The following SH2D1A variants were observed in gnomAD, a reference collection of about 807,000 sequenced individuals.
SH2D1A encodes the protein SH2 domain-containing protein 1A.
SH2D1A carries 6 observed loss-of-function variants against 10.1 expected under a neutral mutation model. The ratio of observed to expected loss-of-function variants is 0.60; its 90% CI spans 0.33 to 1.18. SH2D1A has a LOEUF of 1.18. Ranked by LOEUF, SH2D1A falls within the 50% of genes most tolerant of loss-of-function variation. SH2D1A has a pLI of 0.04. For missense variants in SH2D1A, 51 were observed against 97.6 expected (o/e 0.52, Z 2.01); for synonymous variants, 42 against 36.9 (o/e 1.14, Z -0.51).
chrX:124,356,931 T>G (rs2060027919), intron 1 of SH2D1A, among the ~76,000 whole-genome samples: 1 of 112,499 alleles, frequency 8.9e-6, no homozygotes, highest in Non-Finnish European at 1.9e-5. Context: ...ACATGTGTAA[T>G]AGCTAAATTG....
intron 2 of SH2D1A, among the ~76,000 whole-genome samples, chrX:124,369,143 GTCT>G (rs934301133): frequency 5.4e-5 from 6 of 111,044 alleles, no homozygotes; most frequent in African/African-American, 2.0e-4. Flanking sequence ...GCTGACAGAA[GTCT>G]TCATGCTCGC....
Position 124,371,600 on chromosome X carries a change from T to A in SH2D1A, c.*209T>A, listed in dbSNP as rs753291596. ...GAAACGAGGATTGGGAAAAAGTAAT[T>A]CCGTAGGTTATTTTCAGTTATTATA... On this transcript the variant is annotated 3_prime_UTR_variant, in exon 4 of 4. Transcript: ENST00000371139. 1.8e-5 allele frequency: 5 copies of A among 274,988 alleles called. No individual in the cohort carries two copies. The South Asian group carries it at 1.1e-3, about 60-fold the overall frequency. The allele number at this position is 274,988 out of a possible 1,213,427, so 22.7% of individuals were successfully genotyped here.
intron 2 of SH2D1A, 141 bp downstream of exon 2, chrX:124,365,965 G>A: frequency 6.5e-6 from 3 of 461,249 alleles, no homozygotes; most frequent in Non-Finnish European, 3.9e-6. Flanking sequence ...AATTGTTCAT[G>A]GATCATTAAG....
At chrX:124,351,030 A>C (rs1251575303) in intron 1 of SH2D1A, among the ~76,000 whole-genome samples, 9 of 89,086 alleles carry the variant, frequency 1.0e-4, no homozygotes, top group Non-Finnish European at 1.9e-4. Flanking sequence ...ATTATTATAA[A>C]TATATATATT....
intron 1 of SH2D1A, among the ~76,000 whole-genome samples, chrX:124,349,492 C>T (rs1480880072): frequency 1.8e-5 from 2 of 111,669 alleles, no homozygotes; most frequent in Non-Finnish European, 3.8e-5. Flanking sequence ...ACATGGACAA[C>T]AAGGTATAGC....
chrX:124,357,484 T>G (rs1243067084), intron 1 of SH2D1A, among the ~76,000 whole-genome samples: 3 of 112,241 alleles, frequency 2.7e-5, no homozygotes, highest in Non-Finnish European at 5.6e-5. Flanking sequence ...ACATGATGAT[T>G]TCATTTCCTT....
At chrX:124,359,576 A>AATC (rs1287947737) in intron 1 of SH2D1A, among the ~76,000 whole-genome samples, 1 of 112,017 alleles carries the variant, frequency 8.9e-6, no homozygotes, top group African/African-American at 3.3e-5. Flanking sequence ...GAAAAATGGA[A>AATC]ATCAAAGCTC....
In SH2D1A at chrX:124,372,262, T is replaced by C; in HGVS notation, c.*871T>C. ...ATGGTTGTATTATTTTTTAAAAAAA[T>C]TCCAAGTGATTGAAACCTACACGAG... On this transcript the variant is annotated 3_prime_UTR_variant, in exon 4 of 4. Transcript: ENST00000371139. 1 of 166,887 alleles carries C rather than the reference T, an allele frequency of 6.0e-6. No individual in the cohort carries two copies. The highest frequency in any genetic ancestry group is 1.2e-5 in the Non-Finnish European group (1 of 86,277). 13.8% of individuals were successfully genotyped at this position (166,887 alleles called of 1,213,427 possible).
intron 1 of SH2D1A, among the ~76,000 whole-genome samples, chrX:124,365,180 A>G (rs1055681671): frequency 3.6e-5 from 4 of 110,668 alleles, no homozygotes; most frequent in African/African-American, 1.3e-4. Flanking sequence ...CTCATAATGT[A>G]TCCCCCTTGG....
chrX:124,360,416 A>G (rs2060037164), intron 1 of SH2D1A, among the ~76,000 whole-genome samples: 1 of 93,379 alleles, frequency 1.1e-5, no homozygotes, highest in African/African-American at 4.0e-5. Flanking sequence ...GTCGTGGTCA[A>G]CAGAGCAAGA....
intron 1 of SH2D1A, among the ~76,000 whole-genome samples, chrX:124,355,405 T>C (rs1450851616): frequency 1.8e-5 from 2 of 112,162 alleles, no homozygotes; most frequent in Admixed American, 9.5e-5. Flanking sequence ...AACACATGCT[T>C]TATAGTAATT....
At chrX:124,350,885 T>G (rs2060011917) in intron 1 of SH2D1A, among the ~76,000 whole-genome samples, 1 of 61,936 alleles carries the variant, frequency 1.6e-5, no homozygotes, top group Non-Finnish European at 2.6e-5. Flanking sequence ...ATATTATATA[T>G]TGTATATAAG....
At chrX:124,357,645 CTTG>C (rs1319864619) in intron 1 of SH2D1A, among the ~76,000 whole-genome samples, 1 of 111,585 alleles carries the variant, frequency 9.0e-6, no homozygotes, top group East Asian at 2.8e-4. Context: ...TGCATCCTCT[CTTG>C]TTGTCTTGTT....
At chrX:124,365,084 C>T (rs779240572) in intron 1 of SH2D1A, among the ~76,000 whole-genome samples, 3 of 110,999 alleles carry the variant, frequency 2.7e-5, no homozygotes, top group Admixed American at 1.9e-4. Flanking sequence ...GGCTATACCA[C>T]ATAGCCTAGG....
chrX:124,372,625 A>G lies in SH2D1A; in HGVS notation c.*1234A>G, dbSNP rs1339534802. 2 of 169,317 alleles carry G rather than the reference A, an allele frequency of 1.2e-5. No homozygotes were observed. The highest frequency in any genetic ancestry group is 8.0e-5 in the Admixed American group (1 of 12,534). The allele number at this position is 169,317 out of a possible 1,213,427, so 14.0% of individuals were successfully genotyped here. ...GTAGGTAGATCTGGTCTTTAGAGGC[A>G]GATAGATAGGTCAGTGCAAATACTC... On this transcript the variant is annotated 3_prime_UTR_variant, in exon 4 of 4. Transcript: ENST00000371139.
intron 1 of SH2D1A, among the ~76,000 whole-genome samples, chrX:124,356,210 A>G (rs1409473435): frequency 9.1e-6 from 1 of 110,004 alleles, no homozygotes; most frequent in Non-Finnish European, 1.9e-5. Flanking sequence ...AGCTTCATCC[A>G]TGTCCCTACA....
intron 2 of SH2D1A, among the ~76,000 whole-genome samples, chrX:124,368,364 C>T (rs2060061045): frequency 9.0e-6 from 1 of 111,526 alleles, no homozygotes; most frequent in South Asian, 3.8e-4. Context: ...TGGTCTTGAA[C>T]TCCTGACTTC....
intron 1 of SH2D1A, among the ~76,000 whole-genome samples, chrX:124,364,967 C>G (rs1329437565): frequency 9.1e-6 from 1 of 110,434 alleles, no homozygotes; most frequent in Non-Finnish European, 1.9e-5. Flanking sequence ...TTTACTGTGC[C>G]TTTTCTATGT....
intron 1 of SH2D1A, chrX:124,364,456 A>C (rs189411480): frequency 3.8e-6 from 1 of 264,513 alleles, no homozygotes; most frequent in East Asian, 1.2e-4. Flanking sequence ...AAAAATTTAC[A>C]AGTTTATAAA....
Sources: gnomAD v4.1 joint callset for allele counts (sites outside exome capture counted in the v4.1 genomes callset) on GRCh38, gnomAD v4.1.1 for gene constraint, MANE v1.5 for transcripts, NCBI Gene and HGNC (gene_info 2026-07-23, HGNC 2026-07-21) for gene names.